POLN: variants seen among roughly 807,000 people sequenced by gnomAD.
POLN encodes DNA polymerase N.
Under a neutral mutation model 113.5 loss-of-function variants are expected in POLN, and 108 were observed. That is an observed-to-expected ratio of 0.95 (90% CI 0.81 to 1.12). The LOEUF (loss-of-function observed/expected upper bound fraction) is 1.12. Ranked by LOEUF, POLN falls within the 50% of genes most tolerant of loss-of-function variation. POLN has a pLI of 0.00. For synonymous variants in POLN, 386 were observed against 391.5 expected (o/e 0.99, Z 0.17); for missense variants, 1,097 against 1,077.1 (o/e 1.02, Z -0.26).
intron 5 of POLN, among the ~76,000 whole-genome samples, chr4:2,201,936 G>T (rs936683937): frequency 1.1e-4 from 17 of 152,140 alleles, no homozygotes; most frequent in African/African-American, 3.9e-4. Context: ...CTTCATAAAT[G>T]AAGGAAGGAT....
At position 2,166,114 on chromosome 4, in the gene POLN, G is replaced by C. The variant is rs1009874026; in HGVS notation, c.1554+4565C>G. Among the ~76,000 whole-genome samples, 4 of 152,084 alleles carry C rather than the reference G, an allele frequency of 2.6e-5. 1 individual carries two copies. The highest frequency in any genetic ancestry group is 2.6e-4 in the Admixed American group (4 of 15,272). ...TTTTAAAAAATCTAAGATCATAGTT[G>C]CTCCCTTACTTAAACAATTCCAAGG... On this transcript the variant is annotated intron_variant, in intron 13 of 25. Coordinates refer to ENST00000511885, the MANE Select transcript of POLN (RefSeq NM_181808.4).
intron 13 of POLN, among the ~76,000 whole-genome samples, chr4:2,164,857 A>G (rs941614039): frequency 8.0e-5 from 12 of 150,404 alleles, no homozygotes; most frequent in African/African-American, 3.0e-4. Context: ...GATCTTATAA[A>G]AACATACCCA....
At chr4:2,199,889 A>G (rs1733669918) in intron 5 of POLN, among the ~76,000 whole-genome samples, 2 of 152,172 alleles carry the variant, frequency 1.3e-5, no homozygotes, top group African/African-American at 4.8e-5. Flanking sequence ...CAGTTGAGTA[A>G]TATTATGAAA....
At chr4:2,140,701 T>C (rs948822207) in intron 16 of POLN, 2 of 151,724 alleles carry the variant, frequency 1.3e-5, no homozygotes, top group Admixed American at 1.3e-4. Context: ...TGGGCCAAGA[T>C]GACGCCACTG....
intron 10 of POLN, 41 bp downstream of exon 10, chr4:2,174,650 C>T: frequency 6.6e-7 from 1 of 1,505,254 alleles, no homozygotes; most frequent in Admixed American, 1.7e-5. Context: ...ATGAAGAACC[C>T]TCTAGAAAAA....
intron 21 of POLN, chr4:2,083,158 G>A (rs868644970): frequency 1.3e-5 from 2 of 152,130 alleles, no homozygotes; most frequent in African/African-American, 4.8e-5. Flanking sequence ...GTATCTTAGT[G>A]TTCAAAAACA....
intron 4 of POLN, among the ~76,000 whole-genome samples, chr4:2,208,962 T>C (rs1200202335): frequency 6.6e-6 from 1 of 151,808 alleles, no homozygotes; most frequent in Non-Finnish European, 1.5e-5. Flanking sequence ...CACTCCAGCT[T>C]GGGTGACAAG....
At chr4:2,223,594 T>C (rs189793189) in intron 3 of POLN, among the ~76,000 whole-genome samples, 11 of 152,270 alleles carry the variant, frequency 7.2e-5, no homozygotes, top group Admixed American at 3.3e-4. Flanking sequence ...ATAGTGAACT[T>C]ACACAAACCT....
rs752251818 is a variant in POLN at position 2,240,807 on chromosome 4, A to G, written c.-13+713T>C. On this transcript the variant is annotated intron_variant, in intron 2 of 25. Transcript: ENST00000511885. ...TTCAGACAACACGTTCTGTTCATTCACATTCCCACAAAACCACTTCAGAAA... is the reference window on the plus strand; with the variant it reads ...TTCAGACAACACGTTCTGTTCATTCGCATTCCCACAAAACCACTTCAGAAA... 1.4e-5 allele frequency: 23 copies of G among 1,613,790 alleles called. No individual in the cohort carries two copies. The Admixed American group carries it at 2.8e-4, about 20-fold the overall frequency.
chr4:2,212,644 C>A (rs1268706455), intron 4 of POLN, among the ~76,000 whole-genome samples: 2 of 152,052 alleles, frequency 1.3e-5, no homozygotes, highest in Non-Finnish European at 2.9e-5. Flanking sequence ...GCTCAGCTTC[C>A]CAACGTGCTG....
Position 2,179,345 on chromosome 4 carries a change from A to C in POLN, c.1142T>G (p.Val381Gly), listed in dbSNP as rs773728805. ...TGAGGAATTTCCATATGTGCTGTTC[A>C]CTTTAACTGTAATGGATTTTTCACA... The part of the protein sequence containing the change: ...KYCEKSITVK[V>G]NSTYGNSSRN... The change falls in exon 8 of 26, where the codon GTG becomes GGG. Residue 381 changes from valine to glycine, a missense_variant. Coordinates refer to ENST00000511885, the MANE Select transcript of POLN (RefSeq NM_181808.4). 2 of 1,613,426 alleles carry C rather than the reference A, an allele frequency of 1.2e-6. No individual in the cohort carries two copies. The highest frequency in any genetic ancestry group is 2.2e-5 in the South Asian group (2 of 91,042).
At chr4:2,096,722 GAGAGAGAGAC>G (rs1434865013) in intron 19 of POLN, among the ~76,000 whole-genome samples, 6 of 146,664 alleles carry the variant, frequency 4.1e-5, no homozygotes, top group East Asian at 1.9e-4. Context: ...GAGAGAGAGA[GAGAGAGAGAC>G]ACACAGAGAG....
rs73796977 is a variant in POLN at position 2,219,387 on chromosome 4, T to C, written c.134-6261A>G. Among the ~76,000 whole-genome samples the C allele has an allele frequency of 2.3e-3, 345 of 152,334 alleles. 1 individual carries two copies. The highest frequency in any genetic ancestry group is 7.8e-3 in the African/African-American group (326 of 41,566). On this transcript the variant is annotated intron_variant, in intron 3 of 25. Transcript: ENST00000511885. ...AAATAACTGCCATATACACTCACTA[T>C]GGTGTTGCATAATCCTTCCTCCTGG...
rs149981848 is a variant in POLN, at chr4:2,107,840, G to C, written c.1983-11907C>G. On this transcript the variant is annotated intron_variant, in intron 19 of 25. Coordinates refer to ENST00000511885, the MANE Select transcript of POLN (RefSeq NM_181808.4). ...AATGCTTGCCTGAGGTCAGGACAGAGAGGAGCTACAATGACCATAACAGCC... is the reference window on the plus strand; with the variant it reads ...AATGCTTGCCTGAGGTCAGGACAGACAGGAGCTACAATGACCATAACAGCC... Among the ~76,000 whole-genome samples the C allele has an allele frequency of 4.6e-3, 696 of 152,314 alleles. 2 individuals carry two copies. Among genetic ancestry groups the C allele is most frequent in the Non-Finnish European group, 6.9e-3 (470 of 68,038 alleles).
At chr4:2,232,565 T>C (rs1271447517) in intron 2 of POLN, among the ~76,000 whole-genome samples, 1 of 152,224 alleles carries the variant, frequency 6.6e-6, no homozygotes, top group African/African-American at 2.4e-5. Context: ...CTGTTTATTC[T>C]GGACAGAAGG....
Position 2,151,188 on chromosome 4 carries a change from A to G in POLN, c.1731+5600T>C, listed in dbSNP as rs145552951. ...CTAGGTGCTTCACTGAAAAAGAAAA[A>G]TGACTGGCAAATTAACACATGGAAG... On this transcript the variant is annotated intron_variant, in intron 16 of 25. Coordinates refer to ENST00000511885, the MANE Select transcript of POLN (RefSeq NM_181808.4). Among the ~76,000 whole-genome samples the G allele has an allele frequency of 1.5e-4, 23 of 152,332 alleles. 1 individual carries two copies. Among genetic ancestry groups the G allele is most frequent in the African/African-American group, 5.5e-4 (23 of 41,578 alleles).
chr4:2,207,870 A>T, intron 5 of POLN, 117 bp downstream of exon 5: 2 of 1,156,224 alleles, frequency 1.7e-6, no homozygotes, highest in South Asian at 1.7e-5. Context: ...TTACCACTGG[A>T]GGGGAAGGAA....
chr4:2,100,267 T>C (rs939789152), intron 19 of POLN, among the ~76,000 whole-genome samples: 4 of 152,118 alleles, frequency 2.6e-5, no homozygotes, highest in African/African-American at 9.7e-5. Context: ...TTTAAATTTT[T>C]TGTAACCAAT....
rs575406692 is a variant in POLN, at chr4:2,092,249, C to A, written c.2065+3602G>T. On this transcript the variant is annotated intron_variant, in intron 20 of 25. Coordinates refer to ENST00000511885, the MANE Select transcript of POLN (RefSeq NM_181808.4). ...CACAGGCCTGTGGGTCACGTGATGA[C>A]TGGATGTGGAGGCAAGCTTCAGAGT... Among the ~76,000 whole-genome samples the A allele has an allele frequency of 1.5e-4, 23 of 152,278 alleles. No individual in the cohort carries two copies. In the South Asian group the frequency reaches 4.6e-3, roughly 30 times the overall value.
Sources: allele counts gnomAD v4.1 joint callset (sites outside exome capture counted in the v4.1 genomes callset), GRCh38; gene constraint gnomAD v4.1.1; transcripts MANE v1.5; gene names NCBI Gene and HGNC (gene_info 2026-07-23, HGNC 2026-07-21).